Variants in C8orf34 observed in about 807,000 individuals in gnomAD.
The protein encoded by C8orf34 is uncharacterized protein C8orf34.
In C8orf34, 65 loss-of-function variants were observed where a neutral mutation model predicts 68.3. The ratio of observed to expected loss-of-function variants is 0.95; its 90% confidence interval spans 0.78 to 1.17. The LOEUF is 1.17. Ranked by LOEUF, C8orf34 falls within the 50% of genes most tolerant of loss-of-function variation. C8orf34 has a pLI of 0.00. For missense variants in C8orf34, 664 were observed against 655.4 expected, an observed-to-expected ratio of 1.01 and a Z score of -0.14; for synonymous variants, 244 against 241.2, an observed-to-expected ratio of 1.01 and a Z score of -0.11.
chr8:68,407,644 T>G (rs1420767663), intron 1 of C8orf34, among the ~76,000 whole-genome samples: 2 of 152,202 alleles, frequency 1.3e-5, no homozygotes, highest in East Asian at 3.8e-4. Context: ...ATTATTACTT[T>G]TTATTTTCTC....
chr8:68,405,057 T>C (rs534653821), intron 1 of C8orf34, among the ~76,000 whole-genome samples: 68 of 152,320 alleles, frequency 4.5e-4, no homozygotes, highest in African/African-American at 1.5e-3. Flanking sequence ...CAGTTGTTTG[T>C]AGCTCTCCTT....
rs10088213 is a variant in C8orf34, at chr8:68,470,799, G to A, written c.736+1979G>A. Reference sequence around the variant, plus strand: ...CTCAGAGGCCTCTTTTATAAGGGCAGTAATCCCAATCATGAGAAAGGAGCC... The same window carrying A: ...CTCAGAGGCCTCTTTTATAAGGGCAATAATCCCAATCATGAGAAAGGAGCC... On this transcript the variant is annotated intron_variant, in intron 4 of 13. Transcript: ENST00000518698. Among the ~76,000 whole-genome samples the A allele has an allele frequency of 3.6e-3, 541 of 152,158 alleles. 4 individuals are homozygous for A. The highest frequency in any genetic ancestry group is 0.012 in the African/African-American group (514 of 41,526).
intron 1 of C8orf34, among the ~76,000 whole-genome samples, chr8:68,411,882 A>G (rs1809459129): frequency 6.6e-6 from 1 of 152,196 alleles, no homozygotes; most frequent in Non-Finnish European, 1.5e-5. Flanking sequence ...TCCAAAATTC[A>G]TATGTTGAAA....
intron 7 of C8orf34, among the ~76,000 whole-genome samples, chr8:68,619,225 C>G (rs890468628): frequency 2.0e-5 from 3 of 152,168 alleles, no homozygotes; most frequent in Admixed American, 6.5e-5. Flanking sequence ...ACTTGAAAAG[C>G]TGAGGTGGGA....
intron 5 of C8orf34, among the ~76,000 whole-genome samples, chr8:68,501,113 C>T (rs1813752157): frequency 6.6e-6 from 1 of 152,126 alleles, no homozygotes; most frequent in Non-Finnish European, 1.5e-5. Context: ...GTGGTCTCTC[C>T]TAAGAGTAAT....
intron 1 of C8orf34, among the ~76,000 whole-genome samples, chr8:68,361,218 G>A (rs11777852): frequency 0.23 from 35,213 of 152,110 alleles, 4,834 homozygotes; most frequent in Admixed American, 0.31. Context: ...TAAGGCAGTT[G>A]CAGTTGTGTC....
intron 10 of C8orf34, among the ~76,000 whole-genome samples, chr8:68,774,572 A>G (rs1823451899): frequency 6.6e-6 from 1 of 151,880 alleles, no homozygotes; most frequent in African/African-American, 2.4e-5. Context: ...CGGCATATTA[A>G]TGTTTTGCCA....
At chr8:68,789,752 C>T (rs2129529075) in intron 12 of C8orf34, among the ~76,000 whole-genome samples, 1 of 151,982 alleles carries the variant, frequency 6.6e-6, no homozygotes, top group South Asian at 2.1e-4. Flanking sequence ...TTTATCAGGA[C>T]AGCTAGAAAT....
At chr8:68,455,885 A>ACATAAAT (rs1362184784) in intron 3 of C8orf34, among the ~76,000 whole-genome samples, 1 of 152,034 alleles carries the variant, frequency 6.6e-6, no homozygotes, top group Non-Finnish European at 1.5e-5. Flanking sequence ...AAGGAAAAAG[A>ACATAAAT]CATAAATATT....
In C8orf34 at chr8:68,453,646, T is replaced by C. The variant is rs181542113; in HGVS notation, c.607+7186T>C. ...ATTTCCCAAAATTTTGCTGAACTAG[T>C]TTATTAGTTCTAACACTTTATTGTG... On this transcript the variant is annotated intron_variant, in intron 3 of 13. Transcript: ENST00000518698. 4.7e-3 allele frequency among the ~76,000 whole-genome samples: 713 copies of C among 152,114 alleles called. 2 individuals carry two copies. The highest frequency in any genetic ancestry group is 8.3e-3 in the Non-Finnish European group (561 of 67,874).
intron 3 of C8orf34, among the ~76,000 whole-genome samples, chr8:68,464,292 AT>A (rs1472320644): frequency 1.3e-5 from 2 of 152,202 alleles, no homozygotes. Flanking sequence ...GCTCAATGAA[AT>A]AAAAGAGGAT....
At chr8:68,776,791 G>A (rs1823532716) in intron 11 of C8orf34, among the ~76,000 whole-genome samples, 1 of 152,082 alleles carries the variant, frequency 6.6e-6, no homozygotes, top group African/African-American at 2.4e-5. Flanking sequence ...AGACACAACC[G>A]CTCTTCCTAC....
intron 8 of C8orf34, among the ~76,000 whole-genome samples, chr8:68,704,589 T>G (rs1821111696): frequency 6.6e-6 from 1 of 151,934 alleles, no homozygotes; most frequent in Non-Finnish European, 1.5e-5. Flanking sequence ...TCCTTGTGAG[T>G]CAAGGATTAT....
chr8:68,390,004 G>C (rs1481818083), intron 1 of C8orf34, among the ~76,000 whole-genome samples: 1 of 152,050 alleles, frequency 6.6e-6, no homozygotes, highest in Non-Finnish European at 1.5e-5. Flanking sequence ...TCTTGAAGGG[G>C]TCACCACCAC....
chr8:68,548,425 G>C (rs746833768), intron 7 of C8orf34, among the ~76,000 whole-genome samples: 19 of 151,688 alleles, frequency 1.3e-4, no homozygotes, highest in Non-Finnish European at 2.7e-4. Context: ...ATAAGCACTT[G>C]AAGAATGTTT....
At chr8:68,663,521 C>A (rs1819747731) in intron 8 of C8orf34, among the ~76,000 whole-genome samples, 1 of 152,148 alleles carries the variant, frequency 6.6e-6, no homozygotes, top group East Asian at 1.9e-4. Context: ...CATTCAATAT[C>A]ATGTCTGAAC....
chr8:68,468,331 T>A (rs1171906780), intron 3 of C8orf34, among the ~76,000 whole-genome samples: 1 of 152,054 alleles, frequency 6.6e-6, no homozygotes, highest in Non-Finnish European at 1.5e-5. Context: ...AATATTTACT[T>A]AATAATTACC....
At chr8:68,380,651 A>G (rs986963482) in intron 1 of C8orf34, among the ~76,000 whole-genome samples, 4 of 152,224 alleles carry the variant, frequency 2.6e-5, no homozygotes, top group Non-Finnish European at 5.9e-5. Flanking sequence ...TTGCATTGAC[A>G]TTAAAAAACT....
chr8:68,497,751 G>T (rs1291553884), intron 5 of C8orf34, among the ~76,000 whole-genome samples: 1 of 151,968 alleles, frequency 6.6e-6, no homozygotes, highest in Admixed American at 6.6e-5. Flanking sequence ...AAAAGGAAGG[G>T]AGAGAAATGT....
Sources: gnomAD v4.1 joint callset for allele counts (sites outside exome capture counted in the v4.1 genomes callset) on GRCh38, gnomAD v4.1.1 for gene constraint, MANE v1.5 for transcripts, NCBI Gene and HGNC (gene_info 2026-07-23, HGNC 2026-07-21) for gene names.